Variants in ATP9B observed in about 807,000 individuals in gnomAD.
ATP9B encodes the protein probable phospholipid-transporting ATPase IIB.
A neutral mutation model predicts 146.1 loss-of-function variants in ATP9B; 110 were observed. The observed-to-expected ratio is 0.75, with a 90% CI of 0.65 to 0.88. The LOEUF (loss-of-function observed/expected upper bound fraction) is 0.88, where lower values mean the gene tolerates loss of function less well. ATP9B is among the 40% of genes least tolerant of loss of function. The pLI, the probability that ATP9B is intolerant of heterozygous loss-of-function variation, is 0.00. For synonymous variants in ATP9B, 604 were observed against 569.7 expected, an observed-to-expected ratio of 1.06 and a Z score of -0.86; for missense variants, 1,499 against 1,496.4, an observed-to-expected ratio of 1.00 and a Z score of -0.03.
intron 12 of ATP9B, chr18:79,255,287 T>C (rs2096067062): frequency 6.6e-6 from 1 of 152,248 alleles, no homozygotes; most frequent in African/African-American, 2.4e-5. Flanking sequence ...CTGCCTTTTT[T>C]ATCTGACTGT....
chr18:79,103,117 G>C (rs2075398411), intron 2 of ATP9B, among the ~76,000 whole-genome samples: 1 of 152,152 alleles, frequency 6.6e-6, no homozygotes, highest in East Asian at 1.9e-4. Flanking sequence ...TGTGGAGCTG[G>C]CTGGAACGTA....
In ATP9B at chr18:79,307,198, T is replaced by A. The variant is rs748325541; in HGVS notation, c.1737T>A (p.Asp579Glu). 11 of 1,613,570 alleles carry A rather than the reference T, an allele frequency of 6.8e-6. No individual in the cohort carries two copies. In the Admixed American group the frequency reaches 1.7e-4, roughly 24 times the overall value. ...EFAEADQDFS[D>E]ENRTYQASSP... ...CAGAGGCTGACCAAGACTTCAGTGA[T>A]GAGAATCGCACCTACCAGGCTTCCA... Residue 579 changes from aspartate (D) to glutamate (E), a missense_variant, in exon 15 of 30, where the codon GAT becomes GAA. Asp to Glu is a conservative substitution (Grantham distance 45). Coordinates refer to ENST00000426216, the MANE Select transcript of ATP9B (RefSeq NM_198531.5).
At chr18:79,160,835 G>A (rs1166761970) in intron 7 of ATP9B, among the ~76,000 whole-genome samples, 5 of 152,114 alleles carry the variant, frequency 3.3e-5, no homozygotes, top group African/African-American at 7.2e-5. Context: ...GCAGTGGCGC[G>A]ATCTCGGCTC....
At chr18:79,300,657 C>G (rs1387917424) in intron 13 of ATP9B, among the ~76,000 whole-genome samples, 1 of 152,214 alleles carries the variant, frequency 6.6e-6, no homozygotes. Flanking sequence ...GCAGCTGACT[C>G]CACACCCAGG....
At chr18:79,183,891 A>G (rs1047201015) in intron 8 of ATP9B, among the ~76,000 whole-genome samples, 14 of 151,786 alleles carry the variant, frequency 9.2e-5, no homozygotes, top group Admixed American at 8.5e-4. Context: ...TATTGTCCCC[A>G]TATGTTTATA....
In ATP9B at chr18:79,202,942, C is replaced by T. The variant is rs73971511; in HGVS notation, c.955-3995C>T. ...TAAAATTTTTATGTTTTTTAATGCC[C>T]TTATTCTCTTGGACTTTGACATTAG... On this transcript the variant is annotated intron_variant, in intron 9 of 29. Transcript: ENST00000426216. 5.2e-3 allele frequency among the ~76,000 whole-genome samples: 792 copies of T among 152,256 alleles called. 12 individuals are homozygous for T. Among genetic ancestry groups the T allele is most frequent in the African/African-American group, 0.017 (721 of 41,540 alleles).
Position 79,193,321 on chromosome 18 carries a change from A to G in ATP9B, c.954+58A>G, listed in dbSNP as rs956834624. 9.0e-6 allele frequency: 12 copies of G among 1,335,762 alleles called. No homozygotes were observed. The African/African-American group carries it at 1.3e-4, about 15-fold the overall frequency. 82.7% of individuals were successfully genotyped at this position (1,335,762 alleles called of 1,614,324 possible). On this transcript the variant is annotated intron_variant, in intron 9 of 29. Coordinates refer to ENST00000426216, the MANE Select transcript of ATP9B (RefSeq NM_198531.5). The stretch of plus-strand genomic sequence containing the variant: ...GTTATTGTGTAAGTTAAAAGTAGCA[A>G]ACCTTTGAGACAGTAATTCAATCAA...
chr18:79,296,750 A>G (rs1414593235), intron 13 of ATP9B, among the ~76,000 whole-genome samples: 1 of 152,210 alleles, frequency 6.6e-6, no homozygotes, highest in African/African-American at 2.4e-5. Context: ...TAAATCAGCA[A>G]CTTTTTTGGC....
chr18:79,139,032 T>A (rs940850210), intron 5 of ATP9B, among the ~76,000 whole-genome samples: 1 of 152,236 alleles, frequency 6.6e-6, no homozygotes, highest in African/African-American at 2.4e-5. Context: ...TGTGCCACTA[T>A]ACTCCAGACT....
chr18:79,205,621 G>C (rs575292984), intron 9 of ATP9B, among the ~76,000 whole-genome samples: 10 of 152,218 alleles, frequency 6.6e-5, no homozygotes, highest in African/African-American at 2.4e-4. Flanking sequence ...AGATGTCGAG[G>C]TCACTGCCTC....
rs183763990 is a variant in ATP9B at position 79,213,249 on chromosome 18, T to C, written c.1031-713T>C. ...GAAAATTAGGAATATAAATTATATA[T>C]GGCTGTAGTTTCAGAAAGAGATTTC... On this transcript the variant is annotated intron_variant, in intron 10 of 29. Coordinates refer to ENST00000426216, the MANE Select transcript of ATP9B (RefSeq NM_198531.5). Among the ~76,000 whole-genome samples, 18 of 152,290 alleles carry C rather than the reference T, an allele frequency of 1.2e-4. 1 individual carries two copies. In the East Asian group the frequency reaches 3.5e-3, roughly 29 times the overall value.
intron 28 of ATP9B, among the ~76,000 whole-genome samples, chr18:79,374,981 C>T (rs2097094837): frequency 6.6e-6 from 1 of 152,200 alleles, no homozygotes; most frequent in Non-Finnish European, 1.5e-5. Flanking sequence ...AAACTGGAGA[C>T]GGTATCACTT....
At chr18:79,192,453 G>T (rs1445885942) in intron 8 of ATP9B, among the ~76,000 whole-genome samples, 3 of 152,182 alleles carry the variant, frequency 2.0e-5, no homozygotes, top group Non-Finnish European at 4.4e-5. Context: ...AAAGCATACA[G>T]CAGAGTCAGC....
At chr18:79,278,712 A>G (rs1257502811) in intron 13 of ATP9B, among the ~76,000 whole-genome samples, 1 of 152,162 alleles carries the variant, frequency 6.6e-6, no homozygotes, top group Non-Finnish European at 1.5e-5. Flanking sequence ...AACTTGGCCA[A>G]GAGAGCAATG....
intron 7 of ATP9B, among the ~76,000 whole-genome samples, chr18:79,168,163 G>A (rs1176686117): frequency 6.6e-6 from 1 of 152,146 alleles, no homozygotes; most frequent in East Asian, 1.9e-4. Context: ...ACCAGAAAGT[G>A]GTTTACGTGG....
chr18:79,268,750 GTCT>G (rs1254326812), intron 12 of ATP9B, among the ~76,000 whole-genome samples: 1 of 152,194 alleles, frequency 6.6e-6, no homozygotes. Context: ...GGTTCGTAAT[GTCT>G]TCTTGCATCT....
intron 1 of ATP9B, among the ~76,000 whole-genome samples, chr18:79,080,926 G>A (rs1235330731): frequency 6.6e-6 from 1 of 152,178 alleles, no homozygotes; most frequent in East Asian, 1.9e-4. Context: ...TACGTTTATT[G>A]ATTTGCATAT....
intron 12 of ATP9B, among the ~76,000 whole-genome samples, chr18:79,262,436 A>G (rs1204614932): frequency 1.3e-5 from 2 of 152,154 alleles, no homozygotes; most frequent in African/African-American, 4.8e-5. Context: ...TATTGCCTCT[A>G]ATTGTGGAAA....
At chr18:79,077,541 G>C (rs1369153401) in intron 1 of ATP9B, among the ~76,000 whole-genome samples, 1 of 152,148 alleles carries the variant, frequency 6.6e-6, no homozygotes, top group Non-Finnish European at 1.5e-5. Flanking sequence ...AGATGGGCAG[G>C]AATGCTTTAT....
Sources: allele counts gnomAD v4.1 joint callset (sites outside exome capture counted in the v4.1 genomes callset), GRCh38; gene constraint gnomAD v4.1.1; transcripts MANE v1.5; gene names NCBI Gene and HGNC (gene_info 2026-07-23, HGNC 2026-07-21).